The following UBTD1 variants were observed in gnomAD, a reference collection of about 807,000 sequenced individuals.
UBTD1 encodes the protein ubiquitin domain-containing protein 1.
A neutral mutation model predicts 21.7 loss-of-function variants in UBTD1; 19 were observed. That is an observed-to-expected ratio of 0.87 (90% CI 0.61 to 1.28). The LOEUF (loss-of-function observed/expected upper bound fraction) is 1.28, where lower values mean the gene tolerates loss of function less well. UBTD1 is among the 50% of genes most tolerant of loss of function. UBTD1 has a pLI of 0.00. For missense variants in UBTD1, 282 were observed against 315.1 expected (o/e 0.89, Z 0.80); for synonymous variants, 116 against 135.1 (o/e 0.86, Z 0.98).
chr10:97,547,194 G>A (rs1207230397), intron 1 of UBTD1, among the ~76,000 whole-genome samples: 6 of 152,166 alleles, frequency 3.9e-5, no homozygotes, highest in Admixed American at 6.5e-5. Flanking sequence ...CCTGGCTGCC[G>A]TGCCGGTGCC....
At chr10:97,565,000 C>T (rs751182016) in intron 1 of UBTD1, among the ~76,000 whole-genome samples, 2 of 152,182 alleles carry the variant, frequency 1.3e-5, no homozygotes, top group African/African-American at 2.4e-5. Flanking sequence ...TTCAAGTTGT[C>T]GCTCCTTTCC....
intron 1 of UBTD1, among the ~76,000 whole-genome samples, chr10:97,510,874 G>C (rs1331195072): frequency 1.3e-5 from 2 of 152,122 alleles, no homozygotes; most frequent in African/African-American, 4.8e-5. Context: ...AATTCTTGCT[G>C]ATCTCAGCAA....
At chr10:97,559,072 C>T (rs2040679063) in intron 1 of UBTD1, among the ~76,000 whole-genome samples, 3 of 152,174 alleles carry the variant, frequency 2.0e-5, no homozygotes, top group Non-Finnish European at 4.4e-5. Context: ...TTGCTGCATC[C>T]CTTCAGGTCT....
chr10:97,539,004 A>G (rs2040575532), intron 1 of UBTD1, among the ~76,000 whole-genome samples: 1 of 152,194 alleles, frequency 6.6e-6, no homozygotes, highest in Non-Finnish European at 1.5e-5. Context: ...CACATGGTGC[A>G]TTAGGGCCAT....
chr10:97,544,378 T>C (rs1240377519), intron 1 of UBTD1, among the ~76,000 whole-genome samples: 1 of 151,988 alleles, frequency 6.6e-6, no homozygotes, highest in East Asian at 1.9e-4. Context: ...ATAACTCCAC[T>C]GAAGAGGCTG....
chr10:97,503,107 G>C lies in UBTD1; in HGVS notation c.70+3834G>C, dbSNP rs553076106. Among the ~76,000 whole-genome samples the C allele has an allele frequency of 6.6e-5, 10 of 151,990 alleles. No homozygotes were observed. In the South Asian group the frequency reaches 2.1e-3, roughly 32 times the overall value. On this transcript the variant is annotated intron_variant, in intron 1 of 2. Transcript: ENST00000370664. ...AACTTTTTATTTTTTGTAGAGATGG[G>C]GTCTTGCTATGTTGCCCAGGCTGGT...
chr10:97,519,354 A>G (rs1459957576), intron 1 of UBTD1, among the ~76,000 whole-genome samples: 1 of 152,228 alleles, frequency 6.6e-6, no homozygotes, highest in Non-Finnish European at 1.5e-5. Flanking sequence ...CCTTGCAAAT[A>G]AGGGGCTACA....
chr10:97,499,310 C>T, intron 1 of UBTD1, 37 bp downstream of exon 1: 1 of 1,539,746 alleles, frequency 6.5e-7, no homozygotes, highest in Non-Finnish European at 8.8e-7. Flanking sequence ...TCGGGCATCC[C>T]GCCAGTTGTC....
intron 1 of UBTD1, among the ~76,000 whole-genome samples, chr10:97,526,111 C>G (rs2040487087): frequency 6.6e-6 from 1 of 152,160 alleles, no homozygotes; most frequent in East Asian, 1.9e-4. Context: ...TTTGTGTAGT[C>G]TGGAAGCCTA....
chr10:97,552,078 T>A (rs1456261745), intron 1 of UBTD1, among the ~76,000 whole-genome samples: 1 of 151,860 alleles, frequency 6.6e-6, no homozygotes, highest in Non-Finnish European at 1.5e-5. Context: ...TGCTCAGCCC[T>A]CCTGTCTTTT....
chr10:97,508,650 A>G (rs890981913), intron 1 of UBTD1, among the ~76,000 whole-genome samples: 5 of 152,168 alleles, frequency 3.3e-5, no homozygotes, highest in African/African-American at 9.7e-5. Flanking sequence ...TCCAAGGACT[A>G]TAGCCACTGC....
At chr10:97,527,171 C>CA (rs34756643) in intron 1 of UBTD1, among the ~76,000 whole-genome samples, 35,107 of 66,528 alleles carry the variant, frequency 0.53, 6,418 homozygotes, top group South Asian at 0.6. Flanking sequence ...CTCTTGTCTC[C>CA]AAAAAAAAAA....
At chr10:97,561,813 A>G (rs1052165402) in intron 1 of UBTD1, among the ~76,000 whole-genome samples, 1 of 152,180 alleles carries the variant, frequency 6.6e-6, no homozygotes, top group Admixed American at 6.5e-5. Flanking sequence ...CCTCACGAGC[A>G]TCATTTGTCA....
At chr10:97,560,197 C>G (rs2135685836) in intron 1 of UBTD1, among the ~76,000 whole-genome samples, 1 of 152,188 alleles carries the variant, frequency 6.6e-6, no homozygotes, top group Non-Finnish European at 1.5e-5. Flanking sequence ...ACACTCTTTA[C>G]ATAAATTCTG....
chr10:97,563,598 G>A (rs12245837), intron 1 of UBTD1, among the ~76,000 whole-genome samples: 5,378 of 152,174 alleles, frequency 0.035, 242 homozygotes, highest in African/African-American at 0.095. Context: ...AGGGTACCCC[G>A]TCAGCAAAGA....
intron 1 of UBTD1, among the ~76,000 whole-genome samples, chr10:97,521,866 T>A (rs146507593): frequency 1.4e-4 from 22 of 152,386 alleles, no homozygotes; most frequent in Admixed American, 1.4e-3. Context: ...GTGCTGCTGT[T>A]GTCAAGTAGC....
rs1290806285 is a variant in UBTD1, at chr10:97,570,324, G to A, written c.485G>A (p.Arg162Lys). 2 of 1,613,160 alleles carry A rather than the reference G, an allele frequency of 1.2e-6. No individual in the cohort carries two copies. The highest frequency in any genetic ancestry group is 1.1e-5 in the South Asian group (1 of 91,068). ...KVRLSTGKDV[R>K]LSASLPDTVG... ...CGCCTGTCCACGGGCAAGGACGTGA[G>A]GCTCAGCGCCAGCCTGCCCGACACA... The change falls in exon 3 of 3, where the codon AGG (arginine) becomes AAG (lysine). Residue 162 changes from arginine (R) to lysine (K), a missense_variant. By Grantham distance (26) the Arg-to-Lys change is conservative. Coordinates refer to ENST00000370664, the MANE Select transcript of UBTD1 (RefSeq NM_024954.5). This position sits in a 1 kb window ranked among gnomAD's most constrained non-coding sequence, Gnocchi z 6.6.
At chr10:97,517,897 G>C (rs1396841674) in intron 1 of UBTD1, among the ~76,000 whole-genome samples, 1 of 152,128 alleles carries the variant, frequency 6.6e-6, no homozygotes, top group Non-Finnish European at 1.5e-5. Flanking sequence ...CAGCAGCAGG[G>C]CTGAGGCAGG....
At chr10:97,532,318 G>A (rs2040535704) in intron 1 of UBTD1, among the ~76,000 whole-genome samples, 4 of 152,212 alleles carry the variant, frequency 2.6e-5, no homozygotes, top group Non-Finnish European at 4.4e-5. Flanking sequence ...TCCTGTATAT[G>A]TTCCACAGTT....
Sources: gnomAD v4.1 joint callset for allele counts (sites outside exome capture counted in the v4.1 genomes callset) on GRCh38, gnomAD v4.1.1 for gene constraint, Gnocchi (gnomAD v3.1) non-coding constraint, MANE v1.5 for transcripts, NCBI Gene and HGNC (gene_info 2026-07-23, HGNC 2026-07-21) for gene names.